EIF2S3B: variants seen among roughly 807,000 people sequenced by gnomAD.
EIF2S3B encodes the protein eukaryotic translation initiation factor 2 subunit gamma B.
EIF2S3B carries 16 observed loss-of-function variants against 26.4 expected under a neutral mutation model. The observed-to-expected ratio is 0.61, with a 90% confidence interval of 0.41 to 0.92. EIF2S3B has a LOEUF of 0.92. Among genes scored for constraint, EIF2S3B ranks in the 40% least tolerant of loss-of-function variants. The pLI is 0.00. For synonymous variants in EIF2S3B, 183 were observed against 204.4 expected, an observed-to-expected ratio of 0.90 and a Z score of 0.89; for missense variants, 510 against 575.5, an observed-to-expected ratio of 0.89 and a Z score of 1.16.
chr12:10,510,609 G>A (rs987764859), downstream of EIF2S3B, among the ~76,000 whole-genome samples: 1 of 152,070 alleles, frequency 6.6e-6, no homozygotes, highest in Non-Finnish European at 1.5e-5. Context: ...TACACTTTAC[G>A]TACTTCACTG....
intron 1 of EIF2S3B, among the ~76,000 whole-genome samples, chr12:10,522,247 G>T (rs947218953): frequency 3.9e-5 from 6 of 152,104 alleles, no homozygotes; most frequent in South Asian, 4.1e-4. Flanking sequence ...AGGCAGGAGA[G>T]TCACTCGAGC....
chr12:10,517,298 T>G (rs1158073554), intron 1 of EIF2S3B, among the ~76,000 whole-genome samples: 1 of 152,100 alleles, frequency 6.6e-6, no homozygotes, highest in African/African-American at 2.4e-5. Context: ...AGCCTGTTAT[T>G]GGTCTATTCA....
At chr12:10,518,953 A>T (rs1436443364) in intron 1 of EIF2S3B, among the ~76,000 whole-genome samples, 1 of 152,134 alleles carries the variant, frequency 6.6e-6, no homozygotes, top group Non-Finnish European at 1.5e-5. Context: ...TTATAGATTC[A>T]ATGCCATCCC....
chr12:10,511,024 T>A (rs534782210), downstream of EIF2S3B, among the ~76,000 whole-genome samples: 1 of 152,044 alleles, frequency 6.6e-6, no homozygotes, highest in African/African-American at 2.4e-5. Context: ...ATAGATTTGA[T>A]GAGAAAAAGC....
rs756931957 is a variant in EIF2S3B at position 10,506,137 on chromosome 12, A to G, written c.235A>G (p.Ile79Val). 17 of 1,582,962 alleles carry G rather than the reference A, an allele frequency of 1.1e-5. No individual in the cohort carries two copies. Among genetic ancestry groups the G allele is most frequent in the Middle Eastern group, 1.7e-4 (1 of 6,028 alleles). Residue 79 changes from isoleucine to valine, a missense_variant, in exon 1 of 1, where the codon ATC (isoleucine) becomes GTC (valine). Transcript: ENST00000538173. ...FKNELERNIT[I>V]KLGYANAKIY... The stretch of plus-strand genomic sequence containing the variant: ...AAATGAACTAGAAAGAAATATTACA[A>G]TCAAGCTTGGATATGCTAATGCTAA...
At chr12:10,515,317 ACTT>A (rs1158098147) in intron 1 of EIF2S3B, among the ~76,000 whole-genome samples, 8 of 152,138 alleles carry the variant, frequency 5.3e-5, no homozygotes, top group South Asian at 2.1e-4. Flanking sequence ...CTTAAAAAAA[ACTT>A]CTCCTTTCAA....
At chr12:10,511,015 T>C (rs1565527431), downstream of EIF2S3B, among the ~76,000 whole-genome samples, 1 of 151,946 alleles carries the variant, frequency 6.6e-6, no homozygotes, top group Non-Finnish European at 1.5e-5. Flanking sequence ...ATATAGAAAA[T>C]AGATTTGATG....
chr12:10,508,525 C>CAAAAAAAGA (rs1864671398), downstream of EIF2S3B, among the ~76,000 whole-genome samples: 1 of 62,974 alleles, frequency 1.6e-5, no homozygotes, highest in Non-Finnish European at 2.9e-5. Context: ...TGTTAGAAAG[C>CAAAAAAAGA]AAAAAAAAAA....
At chr12:10,510,742 C>A (rs1178093502), downstream of EIF2S3B, among the ~76,000 whole-genome samples, 2 of 152,166 alleles carry the variant, frequency 1.3e-5, no homozygotes, top group Non-Finnish European at 2.9e-5. Context: ...CAGCCTCTGA[C>A]AGACCCAAGG....
downstream of EIF2S3B, among the ~76,000 whole-genome samples, chr12:10,513,425 G>T (rs1317665506): frequency 6.6e-6 from 1 of 152,184 alleles, no homozygotes; most frequent in Non-Finnish European, 1.5e-5. Flanking sequence ...GGGAGTTTCA[G>T]ACTTGTTCAG....
chr12:10,509,380 A>G (rs1398763581), downstream of EIF2S3B, among the ~76,000 whole-genome samples: 1 of 152,094 alleles, frequency 6.6e-6, no homozygotes, highest in Non-Finnish European at 1.5e-5. Flanking sequence ...TTTCTTCTGA[A>G]AAATCATCAA....
chr12:10,507,256 C>T lies in EIF2S3B; in HGVS notation c.1354C>T (p.Arg452Cys), dbSNP rs763601356. 10 of 1,613,560 alleles carry T rather than the reference C, an allele frequency of 6.2e-6. No homozygotes were observed. The highest frequency in any genetic ancestry group is 2.7e-5 in the African/African-American group (2 of 74,844). ...ALSRRVEKHW[R>C]LIGWGQIRRG... Reference sequence around the variant, plus strand: ...TAGCCGAAGAGTTGAAAAACACTGGCGTTTAATTGGTTGGGGTCAGATAAG... The same window carrying T: ...TAGCCGAAGAGTTGAAAAACACTGGTGTTTAATTGGTTGGGGTCAGATAAG... The change falls in exon 1 of 1, where the codon CGT (arginine) becomes TGT (cysteine). Residue 452 changes from arginine to cysteine, a missense_variant. Transcript: ENST00000538173.
chr12:10,516,905 G>T, intron 1 of EIF2S3B, among the ~76,000 whole-genome samples: 1 of 150,566 alleles, frequency 6.6e-6, no homozygotes, highest in African/African-American at 2.4e-5. Flanking sequence ...TTATATGCTG[G>T]ATTACATTTA....
Position 10,522,498 on chromosome 12 carries a change from T to A in EIF2S3B, c.1309-105T>A, listed in dbSNP as rs1864843485. 3 of 541,570 alleles carry A rather than the reference T, an allele frequency of 5.5e-6. No homozygotes were observed. The South Asian group carries it at 8.8e-5, about 16-fold the overall frequency. 33.5% of individuals were successfully genotyped at this position (541,570 alleles called of 1,614,324 possible). A position where few individuals can be genotyped will look rare whatever the true frequency, so the allele number is the denominator to read the frequency against. ...CATTCAATTAATGGAGCTGGGAGAA[T>A]TAATTATCTAGAAAAAATTAGTCTT... On this transcript the variant is annotated intron_variant, in intron 1 of 1. Coordinates refer to the EIF2S3B transcript ENST00000322446.
chr12:10,518,814 A>G (rs1439280074), intron 1 of EIF2S3B, among the ~76,000 whole-genome samples: 1 of 151,908 alleles, frequency 6.6e-6, no homozygotes, highest in East Asian at 1.9e-4. Flanking sequence ...GATGTGAAGG[A>G]CCTCTTCAAG....
rs892430404 is a variant in EIF2S3B at position 10,506,760 on chromosome 12, A to C, written c.858A>C (p.Gly286=). 1 of 1,613,994 alleles carries C rather than the reference A, an allele frequency of 6.2e-7. No homozygotes were observed. The highest frequency in any genetic ancestry group is 8.5e-7 in the Non-Finnish European group (1 of 1,179,876). Residue 286 remains glycine, a synonymous_variant, in exon 1 of 1, where the codon GGA becomes GGC. Transcript: ENST00000538173. ...TAGCTGGTGGTAGTATCCTAAAAGGAGTATTAAAGGTGGGCCAGGAGACAG... is the reference window on the plus strand; with the variant it reads ...TAGCTGGTGGTAGTATCCTAAAAGGCGTATTAAAGGTGGGCCAGGAGACAG... The part of the protein sequence containing the change: ...GGVAGGSILK[G]VLKVGQETEV...
At chr12:10,511,760 A>G (rs1278131853), downstream of EIF2S3B, among the ~76,000 whole-genome samples, 1 of 152,202 alleles carries the variant, frequency 6.6e-6, no homozygotes, top group East Asian at 1.9e-4. Flanking sequence ...CATTGAAAGC[A>G]CATGAGGAAA....
rs1174906800 is a variant in EIF2S3B at position 10,507,541 on chromosome 12, T to C, written c.*220T>C. The C allele has an allele frequency of 1.6e-6, 1 of 607,198 alleles. No individual in the cohort carries two copies. Among genetic ancestry groups the C allele is most frequent in the Non-Finnish European group, 2.9e-6 (1 of 347,412 alleles). 37.6% of individuals were successfully genotyped at this position (607,198 alleles called of 1,614,324 possible). On this transcript the variant is annotated 3_prime_UTR_variant, in exon 1 of 1. Coordinates refer to ENST00000538173, the MANE Select transcript of EIF2S3B (RefSeq NM_001357734.3). ...GGCATAATGTTGGATTGAATCTACA[T>C]TTTGGCAGAAGTTAAGCATTCCCAC...
downstream of EIF2S3B, among the ~76,000 whole-genome samples, chr12:10,512,448 C>A (rs1864713992): frequency 6.6e-6 from 1 of 152,156 alleles, no homozygotes; most frequent in South Asian, 2.1e-4. Context: ...TATTGTATCA[C>A]TCCTTTTTCT....
Sources: gnomAD v4.1 joint callset for allele counts (sites outside exome capture counted in the v4.1 genomes callset) on GRCh38, gnomAD v4.1.1 for gene constraint, MANE v1.5 for transcripts, NCBI Gene and HGNC (gene_info 2026-07-23, HGNC 2026-07-21) for gene names.